The following PRKCZ variants were observed in gnomAD, a reference collection of about 807,000 sequenced individuals.
The protein encoded by PRKCZ is protein kinase C zeta type.
A neutral mutation model predicts 79.5 loss-of-function variants in PRKCZ; 33 were observed. The ratio of observed to expected loss-of-function variants is 0.41; its 90% CI spans 0.31 to 0.55. The LOEUF (loss-of-function observed/expected upper bound fraction) is 0.55. Ranked by LOEUF, PRKCZ falls within the 20% of genes least tolerant of loss-of-function variation. PRKCZ has a pLI of 0.19. For missense variants in PRKCZ, 578 were observed against 813.5 expected (o/e 0.71, Z 3.52); for synonymous variants, 342 against 320.9 (o/e 1.07, Z -0.70).
chr1:2,060,808 A>G (rs539868506), intron 4 of PRKCZ, among the ~76,000 whole-genome samples: 2 of 152,230 alleles, frequency 1.3e-5, no homozygotes, highest in African/African-American at 4.8e-5. Flanking sequence ...GGCGAGTGTG[A>G]GGAGGCAGGG....
At chr1:2,155,755 CAGT>C (rs778144378) in intron 9 of PRKCZ, among the ~76,000 whole-genome samples, 1 of 138,804 alleles carries the variant, frequency 7.2e-6, no homozygotes, top group Non-Finnish European at 1.6e-5. Context: ...TGTATGGTGA[CAGT>C]GGTGTGACGG....
intron 4 of PRKCZ, among the ~76,000 whole-genome samples, chr1:2,118,701 A>G (rs1389046899): frequency 7.5e-6 from 1 of 133,518 alleles, no homozygotes; most frequent in East Asian, 2.3e-4. Context: ...TGTTAGTGTG[A>G]CCACACCAGC....
chr1:2,077,817 C>T (rs1052797453), intron 4 of PRKCZ, among the ~76,000 whole-genome samples: 1 of 152,242 alleles, frequency 6.6e-6, no homozygotes, highest in Non-Finnish European at 1.5e-5. Flanking sequence ...TTCTCTGGGA[C>T]ACATCAGCTC....
Position 2,168,029 on chromosome 1 carries a change from C to A in PRKCZ, c.975-1489C>A, listed in dbSNP as rs577433168. Among the ~76,000 whole-genome samples, 5 of 152,152 alleles carry A rather than the reference C, an allele frequency of 3.3e-5. No individual in the cohort carries two copies. In the South Asian group the frequency reaches 6.2e-4, roughly 19 times the overall value. ...GTTCCGTGGGGTTGACGTTACTGAA[C>A]GAGTCCCTCCACGGGTGCACTGAGG... On this transcript the variant is annotated intron_variant, in intron 10 of 17. Transcript: ENST00000378567. This position sits in a 1 kb window ranked among gnomAD's most constrained non-coding sequence, Gnocchi z 4.7.
intron 5 of PRKCZ, chr1:2,141,707 G>A (rs1398136398): frequency 6.2e-6 from 1 of 160,730 alleles, no homozygotes; most frequent in African/African-American, 2.4e-5. Flanking sequence ...TAGGACCGTA[G>A]TGTTGCAGAG....
Position 2,082,396 on chromosome 1 carries a change from T to C in PRKCZ, c.334+22805T>C, listed in dbSNP as rs1411495599. The stretch of plus-strand genomic sequence containing the variant: ...AGACAGAGTGAAGTCTGGTAGTTTG[T>C]GTTTATTTATTTATCTTGGCCAGCA... On this transcript the variant is annotated intron_variant, in intron 4 of 17. Coordinates refer to ENST00000378567, the MANE Select transcript of PRKCZ (RefSeq NM_002744.6). The surrounding 1 kb of genome is among the most constrained non-coding windows in gnomAD (Gnocchi z 4.4). The C allele has an allele frequency of 2.2e-6, 1 of 456,184 alleles. No homozygotes were observed. Among genetic ancestry groups the C allele is most frequent in the Non-Finnish European group, 4.4e-6 (1 of 226,972 alleles). 28.3% of individuals were successfully genotyped at this position (456,184 alleles called of 1,614,324 possible).
intron 10 of PRKCZ, among the ~76,000 whole-genome samples, chr1:2,166,229 G>A (rs781132457): frequency 1.3e-5 from 2 of 152,106 alleles, no homozygotes; most frequent in Non-Finnish European, 2.9e-5. Context: ...GACCAGCCTG[G>A]GAAATATCTC....
At chr1:2,164,074 T>A in intron 10 of PRKCZ, among the ~76,000 whole-genome samples, 1 of 152,346 alleles carries the variant, frequency 6.6e-6, no homozygotes, top group South Asian at 2.1e-4. Flanking sequence ...CCGTGCCCTG[T>A]CTTAGTGTGC....
intron 4 of PRKCZ, among the ~76,000 whole-genome samples, chr1:2,134,163 G>A (rs549512634): frequency 6.6e-5 from 10 of 152,310 alleles, no homozygotes; most frequent in Non-Finnish European, 1.3e-4. Context: ...GCCCGCTGCC[G>A]TGAGGCCTCT....
Position 2,082,395 on chromosome 1 carries a change from G to T in PRKCZ, c.334+22804G>T, listed in dbSNP as rs750023328. On this transcript the variant is annotated intron_variant, in intron 4 of 17. Transcript: ENST00000378567. This position sits in a 1 kb window ranked among gnomAD's most constrained non-coding sequence, Gnocchi z 4.4. ...TAGACAGAGTGAAGTCTGGTAGTTT[G>T]TGTTTATTTATTTATCTTGGCCAGC... The T allele has an allele frequency of 2.4e-5, 11 of 456,206 alleles. No homozygotes were observed. The highest frequency in any genetic ancestry group is 4.8e-5 in the Non-Finnish European group (11 of 226,970). The allele number at this position is 456,206 out of a possible 1,614,324, so 28.3% of individuals were successfully genotyped here.
At chr1:2,117,736 A>G (rs1475827854) in intron 4 of PRKCZ, among the ~76,000 whole-genome samples, 1 of 152,104 alleles carries the variant, frequency 6.6e-6, no homozygotes, top group Admixed American at 6.5e-5. Flanking sequence ...TCCTAGTTGA[A>G]AGTTGTTAAT....
chr1:2,112,057 G>A (rs375362412), intron 4 of PRKCZ, among the ~76,000 whole-genome samples: 2 of 152,154 alleles, frequency 1.3e-5, no homozygotes, highest in African/African-American at 4.8e-5. Flanking sequence ...GCTGTAAAAC[G>A]TCTCCCAAAC....
In PRKCZ at chr1:2,169,615, G is replaced by A. The variant is rs772093601; in HGVS notation, c.1061+11G>A. ...TGAGGAGCACGCCAGGTGGGTGCGCGTGGACGGGGCCGGGTGGGTGCGCCC... is the reference window on the plus strand; with the variant it reads ...TGAGGAGCACGCCAGGTGGGTGCGCATGGACGGGGCCGGGTGGGTGCGCCC... On this transcript the variant is annotated intron_variant, in intron 11 of 17. Coordinates refer to ENST00000378567, the MANE Select transcript of PRKCZ (RefSeq NM_002744.6). 128 of 1,487,170 alleles carry A rather than the reference G, an allele frequency of 8.6e-5. No individual in the cohort carries two copies. Among genetic ancestry groups the A allele is most frequent in the East Asian group, 1.5e-4 (6 of 39,752 alleles). The allele number at this position is 1,487,170 out of a possible 1,614,324, so 92.1% of individuals were successfully genotyped here.
rs35722361 is a variant in PRKCZ at position 2,058,306 on chromosome 1, A to ATTT, written c.284-1214_284-1212dup. Among the ~76,000 whole-genome samples the ATTT allele has an allele frequency of 3.1e-3, 387 of 125,324 alleles. 9 individuals carry two copies. The East Asian group carries it at 0.063, about 20-fold the overall frequency. 82.2% of individuals were successfully genotyped at this position (125,324 alleles called of 152,430 possible). A position where few individuals can be genotyped will look rare whatever the true frequency, so the allele number is the denominator to read the frequency against. On this transcript the variant is annotated intron_variant, in intron 3 of 17. Coordinates refer to ENST00000378567, the MANE Select transcript of PRKCZ (RefSeq NM_002744.6). ...GCGTGAGCCACGGTGCCCGGCCCCAATTTTTTTTTTTTTTTTTTTTTTTGA... is the reference window on the plus strand; with the variant it reads ...GCGTGAGCCACGGTGCCCGGCCCCAATTTTTTTTTTTTTTTTTTTTTTTTTTGA...
At chr1:2,057,634 G>A (rs374679285) in intron 3 of PRKCZ, among the ~76,000 whole-genome samples, 21 of 152,296 alleles carry the variant, frequency 1.4e-4, no homozygotes, top group South Asian at 8.3e-4. Flanking sequence ...GGGAGGTCAA[G>A]GTGGGAGGAT....
At chr1:2,145,316 C>T (rs1427276931) in intron 6 of PRKCZ, 2 of 152,222 alleles carry the variant, frequency 1.3e-5, no homozygotes, top group Non-Finnish European at 2.9e-5. Context: ...GTACTGGTGG[C>T]TCCATTATGA....
intron 4 of PRKCZ, among the ~76,000 whole-genome samples, chr1:2,108,235 C>T (rs1368632908): frequency 6.6e-6 from 1 of 152,248 alleles, no homozygotes; most frequent in South Asian, 2.1e-4. Context: ...GTGAGGCCGT[C>T]CTCTCCTGCA....
At chr1:2,095,012 T>A (rs1389892407) in intron 4 of PRKCZ, among the ~76,000 whole-genome samples, 1 of 152,128 alleles carries the variant, frequency 6.6e-6, no homozygotes, top group East Asian at 1.9e-4. Flanking sequence ...ATGCAGACAC[T>A]GACTGTCACC....
chr1:2,069,005 C>T (rs1393294767), intron 4 of PRKCZ, among the ~76,000 whole-genome samples: 4 of 152,146 alleles, frequency 2.6e-5, no homozygotes, highest in South Asian at 4.1e-4. Context: ...GCCCAGTTCC[C>T]GCCAGTCACC....
Sources: allele counts gnomAD v4.1 joint callset (sites outside exome capture counted in the v4.1 genomes callset), GRCh38; gene constraint gnomAD v4.1.1; non-coding constraint Gnocchi (gnomAD v3.1); transcripts MANE v1.5; gene names NCBI Gene and HGNC (gene_info 2026-07-23, HGNC 2026-07-21).